RIMBP2: variants seen among roughly 807,000 people sequenced by gnomAD.
The protein encoded by RIMBP2 is RIMS binding protein 2, also known as RIMS-binding protein 2.
A neutral mutation model predicts 118.6 loss-of-function variants in RIMBP2; 48 were observed. That is an observed-to-expected ratio of 0.40 (90% CI 0.32 to 0.51). The LOEUF is 0.51. Ranked by LOEUF, RIMBP2 falls within the 20% of genes least tolerant of loss-of-function variation. The pLI is 0.41. For missense variants in RIMBP2, 1,551 were observed against 1,768.3 expected (o/e 0.88, Z 2.20); for synonymous variants, 762 against 742.9 (o/e 1.03, Z -0.42).
At chr12:130,557,503 G>A (rs1001437883) in intron 2 of RIMBP2, among the ~76,000 whole-genome samples, 4 of 152,100 alleles carry the variant, frequency 2.6e-5, no homozygotes, top group African/African-American at 4.8e-5. Context: ...CCCCCTGCCC[G>A]GGCTCAGAAG....
rs905639629 is a variant in RIMBP2 at position 130,431,259 on chromosome 12, T to G, written c.2254-2922A>C. Among the ~76,000 whole-genome samples the G allele has an allele frequency of 7.2e-5, 11 of 152,052 alleles. No individual in the cohort carries two copies. The highest frequency in any genetic ancestry group is 1.5e-5 in the Non-Finnish European group (1 of 68,022). On this transcript the variant is annotated intron_variant, in intron 14 of 22. Transcript: ENST00000690449. The surrounding 1 kb of genome is among the most constrained non-coding windows in gnomAD (Gnocchi z 4.0). Reference sequence around the variant, plus strand: ...ACTAAAAGTGGAGGCTTCCACCCACTAGAACATCGGTGTCTTGGAGCAGAT... The same window carrying G: ...ACTAAAAGTGGAGGCTTCCACCCACGAGAACATCGGTGTCTTGGAGCAGAT...
At position 130,597,068 on chromosome 12, in the gene RIMBP2, G is replaced by A. The variant is rs370020756; in HGVS notation, c.-217+31254C>T. On this transcript the variant is annotated intron_variant, in intron 2 of 22. Coordinates refer to ENST00000690449, the MANE Select transcript of RIMBP2 (RefSeq NM_001393629.1). ...AACTCTTCCAAAAAACTGAAGGAAC[G>A]GAACTCTACCCAATTCATTCTTTGA... is the stretch of plus-strand genomic sequence containing the variant. 3.3e-4 allele frequency among the ~76,000 whole-genome samples: 50 copies of A among 152,220 alleles called. 1 individual carries two copies. The highest frequency in any genetic ancestry group is 1.0e-3 in the African/African-American group (43 of 41,520).
Position 130,450,263 on chromosome 12 carries a change from C to G in RIMBP2, c.518G>C (p.Arg173Pro). Residue 173 changes from arginine (R) to proline (P), a missense_variant, in exon 9 of 23, where the codon CGG becomes CCG. Arg to Pro is a moderately radical substitution (Grantham distance 103). Around this residue, in one of 5 missense-constraint regions of RIMBP2, gnomAD observed 239 missense variants for 256.8 expected, o/e 0.93. Coordinates refer to ENST00000690449, the MANE Select transcript of RIMBP2 (RefSeq NM_001393629.1). The surrounding 1 kb of genome is among the most constrained non-coding windows in gnomAD (Gnocchi z 4.8). The part of the protein sequence containing the change: ...CRSESDMENE[R>P]NSNTSKQRYS... ...TCTCTGCTTGGAGGTATTGGAATTC[C>G]GTTCATTCTCCATCTGTGAAAAAGG... 16 of 1,607,562 alleles carry G rather than the reference C, an allele frequency of 1.0e-5. No homozygotes were observed. Among genetic ancestry groups the G allele is most frequent in the Non-Finnish European group, 1.4e-5 (16 of 1,176,396 alleles).
intron 1 of RIMBP2, among the ~76,000 whole-genome samples, chr12:130,711,995 A>G (rs2136897566): frequency 6.6e-6 from 1 of 152,366 alleles, no homozygotes; most frequent in East Asian, 1.9e-4. Context: ...GTACTTCTGC[A>G]TCTAATCATA....
rs148997686 is a variant in RIMBP2, at chr12:130,512,317, G to C, written c.-127+5511C>G. Among the ~76,000 whole-genome samples, 477 of 149,024 alleles carry C rather than the reference G, an allele frequency of 3.2e-3. 1 individual carries two copies. Among genetic ancestry groups the C allele is most frequent in the Non-Finnish European group, 5.5e-3 (371 of 67,722 alleles). ...GCTGCATCAAGGTCTCTGCCTCAAAGTCCATTGCTTTCTTTTTTTTTTCTT... is the reference window on the plus strand; with the variant it reads ...GCTGCATCAAGGTCTCTGCCTCAAACTCCATTGCTTTCTTTTTTTTTTCTT... On this transcript the variant is annotated intron_variant, in intron 3 of 22. Coordinates refer to ENST00000690449, the MANE Select transcript of RIMBP2 (RefSeq NM_001393629.1).
At chr12:130,462,766 G>A (rs1257910530) in intron 6 of RIMBP2, among the ~76,000 whole-genome samples, 1 of 152,350 alleles carries the variant, frequency 6.6e-6, no homozygotes, top group Admixed American at 6.5e-5. Flanking sequence ...GGCACCACGT[G>A]GAGCTCACAG....
intron 2 of RIMBP2, among the ~76,000 whole-genome samples, chr12:130,614,649 A>G (rs1197694483): frequency 6.6e-6 from 1 of 152,140 alleles, no homozygotes; most frequent in African/African-American, 2.4e-5. Flanking sequence ...CATAGCAGTG[A>G]CGGGGCAAAG....
chr12:130,458,820 G>A (rs4759466), intron 6 of RIMBP2, among the ~76,000 whole-genome samples: 38,989 of 151,956 alleles, frequency 0.26, 6,229 homozygotes, highest in Non-Finnish European at 0.34. Context: ...CGAGGTGGGC[G>A]GATCACCTGA....
At chr12:130,639,666 CA>C (rs149436259) in intron 1 of RIMBP2, among the ~76,000 whole-genome samples, 6,288 of 152,150 alleles carry the variant, frequency 0.041, 228 homozygotes, top group African/African-American at 0.095. Context: ...TGAGTCTGGG[CA>C]GCTCGGGGGC....
At chr12:130,519,999 T>C (rs1032980450) in intron 2 of RIMBP2, among the ~76,000 whole-genome samples, 15 of 152,204 alleles carry the variant, frequency 9.9e-5, no homozygotes, top group Admixed American at 8.5e-4. Context: ...ACTGCCTGCC[T>C]CTTCCACGTT....
chr12:130,646,589 C>T (rs1013839425), intron 1 of RIMBP2, among the ~76,000 whole-genome samples: 16 of 151,464 alleles, frequency 1.1e-4, no homozygotes, highest in Non-Finnish European at 2.4e-4. Context: ...GTCGCAAGCA[C>T]ACGCATCTCC....
At chr12:130,709,673 C>A (rs1949756814) in intron 1 of RIMBP2, among the ~76,000 whole-genome samples, 1 of 152,116 alleles carries the variant, frequency 6.6e-6, no homozygotes, top group Non-Finnish European at 1.5e-5. Context: ...GGGGTGTGTT[C>A]CTGCTCTTGG....
At chr12:130,654,954 C>T (rs2063362528) in intron 1 of RIMBP2, among the ~76,000 whole-genome samples, 1 of 152,200 alleles carries the variant, frequency 6.6e-6, no homozygotes, top group African/African-American at 2.4e-5. Flanking sequence ...TCACTTATCA[C>T]CCAGGGATAG....
chr12:130,652,484 G>A (rs1293293320), intron 1 of RIMBP2, among the ~76,000 whole-genome samples: 2 of 151,988 alleles, frequency 1.3e-5, no homozygotes, highest in African/African-American at 4.8e-5. Context: ...TTTTTCATCT[G>A]TTACGCTCAT....
Position 130,420,489 on chromosome 12 carries a change from CG to C in RIMBP2, c.3238+1963del, listed in dbSNP as rs1043973847. 1.3e-5 allele frequency among the ~76,000 whole-genome samples: 2 copies of C among 152,130 alleles called. No individual in the cohort carries two copies. Among genetic ancestry groups the C allele is most frequent in the African/African-American group, 4.8e-5 (2 of 41,416 alleles). On this transcript the variant is annotated intron_variant, in intron 17 of 22. Transcript: ENST00000690449. The surrounding 1 kb of genome is among the most constrained non-coding windows in gnomAD (Gnocchi z 4.3). The stretch of plus-strand genomic sequence containing the variant: ...CACGCATGCAGCCTTTGGAATTCTA[CG>C]GCTTCAGAAAAATCCAACCACATTC...
At position 130,397,260 on chromosome 12, in the gene RIMBP2, G is replaced by A. The variant is rs2074134894; in HGVS notation, c.*101C>T. ...GTGCATTTCTCTACTGGTGTCAGGG[G>A]AGAAGATTGGGTTTTTTTAGGAAGT... On this transcript the variant is annotated 3_prime_UTR_variant, in exon 23 of 23. Transcript: ENST00000690449. 1 of 395,718 alleles carries A rather than the reference G, an allele frequency of 2.5e-6. No individual in the cohort carries two copies. The highest frequency in any genetic ancestry group is 2.1e-5 in the African/African-American group (1 of 48,544). 24.5% of individuals were successfully genotyped at this position (395,718 alleles called of 1,614,324 possible).
chr12:130,438,506 T>G lies in RIMBP2; in HGVS notation c.1515A>C (p.Ala505=), dbSNP rs779680311. Residue 505 remains alanine (A), a synonymous_variant, in exon 12 of 23, where the codon GCA becomes GCC. Coordinates refer to ENST00000690449, the MANE Select transcript of RIMBP2 (RefSeq NM_001393629.1). ...CCTGGACGGTAACATCTTGTGGGGG[T>G]GCTGGGGGTCCTGGGAGGGGACAGA... The part of the protein sequence containing the change: ...EFSTLPAGPP[A]PPQDVTVQAG... 4 of 1,601,324 alleles carry G rather than the reference T, an allele frequency of 2.5e-6. No individual in the cohort carries two copies. The highest frequency in any genetic ancestry group is 8.5e-7 in the Non-Finnish European group (1 of 1,173,594).
intron 1 of RIMBP2, among the ~76,000 whole-genome samples, chr12:130,645,701 C>T (rs2062838889): frequency 1.3e-5 from 2 of 152,338 alleles, no homozygotes; most frequent in African/African-American, 2.4e-5. Context: ...AAAGTCCTCG[C>T]TGATGACATT....
rs2080800492 is a variant in RIMBP2 at position 130,469,336 on chromosome 12, G to C, written c.153+1357C>G. On this transcript the variant is annotated intron_variant, in intron 6 of 22. Transcript: ENST00000690449. This position sits in a 1 kb window ranked among gnomAD's most constrained non-coding sequence, Gnocchi z 4.8. ...CAGCAGCACGGGGTGACAGGTGACA[G>C]CGGGATCATGGTGGAGCAGTCCCTC... is the stretch of plus-strand genomic sequence containing the variant. Among the ~76,000 whole-genome samples the C allele has an allele frequency of 1.3e-5, 2 of 152,212 alleles. No individual in the cohort carries two copies. Among genetic ancestry groups the C allele is most frequent in the South Asian group, 4.1e-4 (2 of 4,832 alleles).
Sources: gnomAD v4.1 joint callset for allele counts (sites outside exome capture counted in the v4.1 genomes callset) on GRCh38, gnomAD v4.1.1 for gene constraint, gnomAD v4.1.1 regional missense constraint, Gnocchi (gnomAD v3.1) non-coding constraint, MANE v1.5 for transcripts, NCBI Gene and HGNC (gene_info 2026-07-23, HGNC 2026-07-21) for gene names.